The following ANKRD13C variants were observed in gnomAD, a reference collection of about 807,000 sequenced individuals.
ANKRD13C encodes the protein ankyrin repeat domain-containing protein 13C.
Under a neutral mutation model 65.5 loss-of-function variants are expected in ANKRD13C, and 16 were observed. The ratio of observed to expected loss-of-function variants is 0.24; its 90% CI spans 0.17 to 0.37. ANKRD13C has a LOEUF of 0.37. ANKRD13C is among the 10% of genes least tolerant of loss of function. The probability of loss-of-function intolerance (pLI) is 1.00; values close to 1 mark genes in which losing one functional copy is unlikely to be tolerated. For synonymous variants in ANKRD13C, 235 were observed against 238.7 expected, an observed-to-expected ratio of 0.98 and a Z score of 0.14; for missense variants, 503 against 655.9, an observed-to-expected ratio of 0.77 and a Z score of 2.55.
chr1:70,310,535 CAGT>C (rs1486248154), intron 5 of ANKRD13C, among the ~76,000 whole-genome samples: 1 of 152,082 alleles, frequency 6.6e-6, no homozygotes, highest in African/African-American at 2.4e-5. Context: ...ACAACTGTCT[CAGT>C]GGTTACTTGA....
intron 3 of ANKRD13C, among the ~76,000 whole-genome samples, chr1:70,323,754 T>C (rs1681416526): frequency 6.6e-6 from 1 of 151,466 alleles, no homozygotes; most frequent in Non-Finnish European, 1.5e-5. Context: ...GACAGAGTCT[T>C]GCTCTTGTCG....
Position 70,259,055 on chromosome 1 carries a change from C to T in ANKRD13C, c.*3662G>A, listed in dbSNP as rs1678316377. ...TCTAGGTGAGTGGTATGCTATACCACCTAGGTTTGTGTAAGTACACCCAAT... is the reference window on the plus strand; with the variant it reads ...TCTAGGTGAGTGGTATGCTATACCATCTAGGTTTGTGTAAGTACACCCAAT... On this transcript the variant is annotated 3_prime_UTR_variant, in exon 13 of 13. Transcript: ENST00000370944. Among the ~76,000 whole-genome samples, 1 of 152,046 alleles carries T rather than the reference C, an allele frequency of 6.6e-6. No homozygotes were observed. The highest frequency in any genetic ancestry group is 1.5e-5 in the Non-Finnish European group (1 of 68,010).
intron 1 of ANKRD13C, among the ~76,000 whole-genome samples, chr1:70,348,249 T>G (rs1426837780): frequency 6.6e-6 from 1 of 151,952 alleles, no homozygotes; most frequent in African/African-American, 2.4e-5. Context: ...GGCCATGAAA[T>G]AGATTATCCT....
chr1:70,329,831 G>A lies in ANKRD13C; in HGVS notation c.473-4874C>T, dbSNP rs140171251. 2.0e-4 allele frequency among the ~76,000 whole-genome samples: 31 copies of A among 152,030 alleles called. 1 individual carries two copies. The East Asian group carries it at 5.6e-3, about 28-fold the overall frequency. On this transcript the variant is annotated intron_variant, in intron 2 of 12. Coordinates refer to ENST00000370944, the MANE Select transcript of ANKRD13C (RefSeq NM_030816.5). The stretch of plus-strand genomic sequence containing the variant: ...CTGGTGGCCAGGCACGGTGGCTCAC[G>A]CCTGTAATCCCAGCACTTTGAGAGG...
At chr1:70,300,048 T>G (rs780074518) in intron 7 of ANKRD13C, among the ~76,000 whole-genome samples, 10 of 152,080 alleles carry the variant, frequency 6.6e-5, no homozygotes, top group Admixed American at 2.0e-4. Flanking sequence ...TTAGGAAAAG[T>G]AAGACTGCAG....
rs538851771 is a variant in ANKRD13C, at chr1:70,290,825, T to C, written c.1215+1563A>G. Among the ~76,000 whole-genome samples, 482 of 152,206 alleles carry C rather than the reference T, an allele frequency of 3.2e-3. 3 individuals carry two copies. The highest frequency in any genetic ancestry group is 0.022 in the South Asian group (106 of 4,822). ...CTCCCACCTTGGCCTCCCAAAGTGCTGGGATTCCAGGTGCGAGCCACTGTG... is the reference window on the plus strand; with the variant it reads ...CTCCCACCTTGGCCTCCCAAAGTGCCGGGATTCCAGGTGCGAGCCACTGTG... On this transcript the variant is annotated intron_variant, in intron 9 of 12. Transcript: ENST00000370944.
At chr1:70,269,875 A>G (rs963406712) in intron 12 of ANKRD13C, among the ~76,000 whole-genome samples, 2 of 152,226 alleles carry the variant, frequency 1.3e-5, no homozygotes, top group Non-Finnish European at 2.9e-5. Context: ...TGGATAAAAC[A>G]AGATACATCT....
chr1:70,326,224 T>C (rs1260146335), intron 2 of ANKRD13C, among the ~76,000 whole-genome samples: 1 of 86,474 alleles, frequency 1.2e-5, no homozygotes, highest in East Asian at 4.2e-4. Flanking sequence ...AGAGCCAAAC[T>C]CTGTCTCAAA....
chr1:70,291,738 C>T (rs761281347), intron 9 of ANKRD13C, among the ~76,000 whole-genome samples: 5 of 151,964 alleles, frequency 3.3e-5, no homozygotes, highest in Non-Finnish European at 7.4e-5. Context: ...ACCTGGGAGG[C>T]GGAAGTTGCA....
intron 7 of ANKRD13C, among the ~76,000 whole-genome samples, chr1:70,296,584 A>C (rs1376412827): frequency 6.6e-6 from 1 of 152,232 alleles, no homozygotes; most frequent in Non-Finnish European, 1.5e-5. Flanking sequence ...TCCATAGAGC[A>C]ATTTTTAAAA....
chr1:70,331,217 A>G (rs1284970698), intron 2 of ANKRD13C, among the ~76,000 whole-genome samples: 2 of 152,150 alleles, frequency 1.3e-5, no homozygotes, highest in African/African-American at 4.8e-5. Context: ...AAGATAAAAG[A>G]GAATAGACTA....
chr1:70,299,020 T>C (rs11209600), intron 7 of ANKRD13C, among the ~76,000 whole-genome samples: 16,929 of 151,924 alleles, frequency 0.11, 1,177 homozygotes, highest in East Asian at 0.34. Context: ...CTTAGACCAA[T>C]AGAAGGGAAA....
At chr1:70,343,829 C>T (rs1306620808) in intron 1 of ANKRD13C, among the ~76,000 whole-genome samples, 2 of 152,168 alleles carry the variant, frequency 1.3e-5, no homozygotes, top group Non-Finnish European at 2.9e-5. Context: ...TGAGCCACCG[C>T]ACCAGGCTAA....
chr1:70,288,327 T>C (rs1679711017), intron 9 of ANKRD13C, among the ~76,000 whole-genome samples: 1 of 152,180 alleles, frequency 6.6e-6, no homozygotes, highest in African/African-American at 2.4e-5. Context: ...ACTTTGGCAG[T>C]CTCTTACAAA....
intron 11 of ANKRD13C, among the ~76,000 whole-genome samples, chr1:70,273,843 A>C (rs992971746): frequency 2.0e-5 from 3 of 151,954 alleles, no homozygotes; most frequent in Admixed American, 2.0e-4. Flanking sequence ...TTTAGTAGAG[A>C]TAGGGTTTCA....
At chr1:70,334,667 G>A (rs1681941108) in intron 2 of ANKRD13C, among the ~76,000 whole-genome samples, 1 of 152,062 alleles carries the variant, frequency 6.6e-6, no homozygotes, top group Non-Finnish European at 1.5e-5. Flanking sequence ...GCTCATGCCT[G>A]TAATCCCAGC....
chr1:70,324,119 C>T (rs1481186956), intron 3 of ANKRD13C, among the ~76,000 whole-genome samples: 1 of 152,152 alleles, frequency 6.6e-6, no homozygotes, highest in Non-Finnish European at 1.5e-5. Context: ...CCACATTATG[C>T]ATTTCTTTAA....
At chr1:70,296,497 A>G (rs1411729337) in intron 7 of ANKRD13C, among the ~76,000 whole-genome samples, 6 of 152,238 alleles carry the variant, frequency 3.9e-5, no homozygotes, top group Non-Finnish European at 8.8e-5. Flanking sequence ...AGCAGGACAC[A>G]TGAAATACGG....
intron 1 of ANKRD13C, among the ~76,000 whole-genome samples, chr1:70,351,936 G>C (rs78079741): frequency 6.6e-6 from 1 of 152,132 alleles, no homozygotes; most frequent in Non-Finnish European, 1.5e-5. Flanking sequence ...ACACATTGCA[G>C]GGGGGAAAGC....
Sources: allele counts gnomAD v4.1 joint callset (sites outside exome capture counted in the v4.1 genomes callset), GRCh38; gene constraint gnomAD v4.1.1; transcripts MANE v1.5; gene names NCBI Gene and HGNC (gene_info 2026-07-23, HGNC 2026-07-21).